Variants in ESRRG observed in about 807,000 individuals in gnomAD.
ESRRG encodes estrogen-related receptor gamma.
ESRRG carries 13 observed loss-of-function variants against 44.0 expected under a neutral mutation model. That is an observed-to-expected ratio of 0.30 (90% confidence interval 0.19 to 0.47). The LOEUF (loss-of-function observed/expected upper bound fraction) is 0.47. Ranked by LOEUF, ESRRG falls within the 20% of genes least tolerant of loss-of-function variation. The pLI is 1.00. For missense variants in ESRRG, 395 were observed against 580.6 expected (o/e 0.68, Z 3.29); for synonymous variants, 215 against 214.6 (o/e 1.00, Z -0.02).
chr1:216,694,681 C>T (rs565740927), intron 1 of ESRRG, among the ~76,000 whole-genome samples: 8 of 152,098 alleles, frequency 5.3e-5, no homozygotes, highest in East Asian at 1.9e-4. Context: ...GCCTCAGCCC[C>T]GAGTACCAGG....
intron 2 of ESRRG, among the ~76,000 whole-genome samples, chr1:216,774,798 C>CTTCTTTTTTTTTT (rs1553600739): frequency 2.7e-4 from 30 of 110,850 alleles, no homozygotes; most frequent in African/African-American, 9.6e-4. Flanking sequence ...ATAATTTCTT[C>CTTCTTTTTTTTTT]TTTTTTTTTT....
chr1:216,609,648 A>G (rs1574039926), intron 3 of ESRRG, among the ~76,000 whole-genome samples: 1 of 152,240 alleles, frequency 6.6e-6, no homozygotes, highest in Non-Finnish European at 1.5e-5. Context: ...ATCCTCTGTG[A>G]TTCACTAAAT....
intron 3 of ESRRG, among the ~76,000 whole-genome samples, chr1:216,613,181 G>T (rs2060908950): frequency 1.3e-5 from 2 of 152,020 alleles, no homozygotes; most frequent in African/African-American, 2.4e-5. Context: ...AAGTCTTTTG[G>T]TCATTAGTTT....
At chr1:216,744,247 T>C (rs1159029328) in intron 2 of ESRRG, among the ~76,000 whole-genome samples, 6 of 152,180 alleles carry the variant, frequency 3.9e-5, no homozygotes, top group Non-Finnish European at 8.8e-5. Flanking sequence ...AACTTCTGGG[T>C]GCTAAATCAA....
intron 1 of ESRRG, among the ~76,000 whole-genome samples, chr1:217,108,398 T>C (rs12730791): frequency 6.6e-6 from 1 of 152,196 alleles, no homozygotes; most frequent in Admixed American, 6.5e-5. Flanking sequence ...CATTTTCTTG[T>C]TATTCTTCCC....
chr1:217,119,039 AT>A (rs1484832299), intron 1 of ESRRG, among the ~76,000 whole-genome samples: 2 of 151,540 alleles, frequency 1.3e-5, no homozygotes, highest in African/African-American at 4.9e-5. Context: ...AGATAGATAG[AT>A]AGATAGATAG....
At chr1:217,066,255 C>CTTTTTTTTTTTTTTT (rs68151743) in intron 1 of ESRRG, among the ~76,000 whole-genome samples, 4 of 132,498 alleles carry the variant, frequency 3.0e-5, no homozygotes, top group Admixed American at 7.8e-5. Flanking sequence ...TTTTTCTTTT[C>CTTTTTTTTTTTTTTT]TTTTTTTTTT....
chr1:216,933,089 T>C (rs2063611338), intron 2 of ESRRG, among the ~76,000 whole-genome samples: 1 of 152,074 alleles, frequency 6.6e-6, no homozygotes, highest in Non-Finnish European at 1.5e-5. Flanking sequence ...TAACAGCAAC[T>C]ACCTCATAGG....
rs376701865 is a variant in ESRRG at position 216,516,668 on chromosome 1, C to CACACACACAGAGAGAGAGAG, written c.1132+2483_1132+2484insCTCTCTCTCTCTGTGTGTGT. 1.8e-3 allele frequency among the ~76,000 whole-genome samples: 249 copies of CACACACACAGAGAGAGAGAG among 137,224 alleles called. 1 individual carries two copies. The highest frequency in any genetic ancestry group is 6.9e-3 in the African/African-American group (235 of 34,046). The allele number at this position is 137,224 out of a possible 152,430, so 90.0% of individuals were successfully genotyped here. Reference sequence around the variant, plus strand: ...ACACACACACACACACACACACACACAGAGAGAGAGAGAGAAACGACAAAA... The same window carrying CACACACACAGAGAGAGAGAG: ...ACACACACACACACACACACACACACACACACACAGAGAGAGAGAGAGAGAGAGAGAGAGAAACGACAAAA... On this transcript the variant is annotated intron_variant, in intron 6 of 6. Coordinates refer to ENST00000408911, the MANE Select transcript of ESRRG (RefSeq NM_001438.4).
chr1:216,577,780 A>ATTTT (rs1558607095), intron 3 of ESRRG, among the ~76,000 whole-genome samples: 8 of 150,400 alleles, frequency 5.3e-5, no homozygotes, highest in Non-Finnish European at 7.4e-5. Context: ...ATTTTTTTAA[A>ATTTT]AAAAAAGGAA....
At chr1:216,879,269 C>G (rs1403208591) in intron 2 of ESRRG, among the ~76,000 whole-genome samples, 13 of 152,088 alleles carry the variant, frequency 8.5e-5, no homozygotes, top group Admixed American at 8.5e-4. Context: ...TTATGGAGCA[C>G]TGAACTCACT....
chr1:216,922,358 T>C (rs1024179958), intron 2 of ESRRG, among the ~76,000 whole-genome samples: 2 of 152,116 alleles, frequency 1.3e-5, no homozygotes, highest in South Asian at 2.1e-4. Flanking sequence ...CCTAAGAGGG[T>C]TTCAGACACA....
intron 1 of ESRRG, among the ~76,000 whole-genome samples, chr1:217,032,556 A>C (rs1045281723): frequency 2.1e-4 from 32 of 152,376 alleles, no homozygotes; most frequent in African/African-American, 7.2e-4. Context: ...CGTAGAACTC[A>C]ACATGATCCA....
At chr1:216,758,403 C>T (rs780499591) in intron 2 of ESRRG, among the ~76,000 whole-genome samples, 56 of 152,194 alleles carry the variant, frequency 3.7e-4, no homozygotes, top group Middle Eastern at 6.8e-3. Context: ...GAGCCTCAGA[C>T]GTGGTTTGTT....
rs1421418666 is a variant in ESRRG, at chr1:217,026,752, T to C, written c.-106+62755A>G. ...TACACACAAATAGCCTACAGTGCCA[T>C]GTGGATGACTTGCTTAGCAATAAAC... On this transcript the variant is annotated intron_variant, in intron 1 of 7. Transcript: ENST00000359162. Among the ~76,000 whole-genome samples, 6 of 152,084 alleles carry C rather than the reference T, an allele frequency of 3.9e-5. No individual in the cohort carries two copies. The East Asian group carries it at 1.2e-3, about 29-fold the overall frequency.
intron 1 of ESRRG, among the ~76,000 whole-genome samples, chr1:217,021,900 C>CT (rs1475773092): frequency 1.3e-5 from 2 of 152,180 alleles, no homozygotes; most frequent in Non-Finnish European, 2.9e-5. Flanking sequence ...TCCTCTGCAG[C>CT]TGTGACTATG....
chr1:216,942,234 AG>A (rs1477592410), intron 1 of ESRRG, among the ~76,000 whole-genome samples: 7 of 152,172 alleles, frequency 4.6e-5, no homozygotes, highest in Admixed American at 2.0e-4. Context: ...GTTGCTGCAA[AG>A]GACATGATTT....
At chr1:216,704,131 C>T (rs976296207) in intron 1 of ESRRG, among the ~76,000 whole-genome samples, 2 of 152,142 alleles carry the variant, frequency 1.3e-5, no homozygotes, top group African/African-American at 2.4e-5. Flanking sequence ...TGAAGGCTAG[C>T]ACTTCACTGG....
chr1:216,904,496 C>T (rs191717960), intron 2 of ESRRG, among the ~76,000 whole-genome samples: 1 of 152,280 alleles, frequency 6.6e-6, no homozygotes, highest in African/African-American at 2.4e-5. Flanking sequence ...ACAGAAACAG[C>T]TTCTTTTCTC....
Sources: gnomAD v4.1 joint callset for allele counts (sites outside exome capture counted in the v4.1 genomes callset) on GRCh38, gnomAD v4.1.1 for gene constraint, MANE v1.5 for transcripts, NCBI Gene and HGNC (gene_info 2026-07-23, HGNC 2026-07-21) for gene names.